SUZ12: variants seen among roughly 807,000 people sequenced by gnomAD.
The protein encoded by SUZ12 is polycomb protein SUZ12.
SUZ12 carries 17 observed loss-of-function variants against 87.3 expected under a neutral mutation model. That is an observed-to-expected ratio of 0.19 (90% CI 0.13 to 0.29). SUZ12 has a LOEUF of 0.29. Among genes scored for constraint, SUZ12 ranks in the 10% least tolerant of loss-of-function variants. The pLI is 1.00. For missense variants in SUZ12, 526 were observed against 912.2 expected (o/e 0.58, Z 5.45); for synonymous variants, 253 against 312.4 (o/e 0.81, Z 2.01).
At chr17:31,964,763 AT>A (rs1907988644) in intron 4 of SUZ12, among the ~76,000 whole-genome samples, 1 of 152,054 alleles carries the variant, frequency 6.6e-6, no homozygotes, top group African/African-American at 2.4e-5. Flanking sequence ...AGATGGAGAT[AT>A]CCCCCCATCT....
rs202204930 is a variant in SUZ12, at chr17:31,979,130, T to G, written c.917+2516T>G. Among the ~76,000 whole-genome samples, 172 of 116,128 alleles carry G rather than the reference T, an allele frequency of 1.5e-3. 4 individuals carry two copies. The highest frequency in any genetic ancestry group is 5.6e-3 in the South Asian group (17 of 3,024). The allele number at this position is 116,128 out of a possible 152,430, so 76.2% of individuals were successfully genotyped here. On this transcript the variant is annotated intron_variant, in intron 8 of 15. Coordinates refer to ENST00000322652, the MANE Select transcript of SUZ12 (RefSeq NM_015355.4). ...AAAAAAAAAAAAAAAAAAAAAGAATTCAAAACGATAGGAAAGTTGAAAGAA... is the reference window on the plus strand; with the variant it reads ...AAAAAAAAAAAAAAAAAAAAAGAATGCAAAACGATAGGAAAGTTGAAAGAA...
chr17:31,968,397 A>T (rs1248923145), intron 5 of SUZ12, among the ~76,000 whole-genome samples: 2 of 151,856 alleles, frequency 1.3e-5, no homozygotes, highest in Non-Finnish European at 2.9e-5. Flanking sequence ...CTGGCTAATT[A>T]AAAAAAATTT....
chr17:31,954,183 C>T (rs1408448419), intron 4 of SUZ12, among the ~76,000 whole-genome samples: 2 of 152,140 alleles, frequency 1.3e-5, no homozygotes, highest in Non-Finnish European at 2.9e-5. Flanking sequence ...CTGCCTCAGC[C>T]TCCTGAGTAG....
Position 31,966,380 on chromosome 17 carries a change from G to T in SUZ12, c.505+184G>T, listed in dbSNP as rs545363409. ...TGAAATTTGTTTTTGGTGGATGGGGGTGCAGAGTGAAGGCTGGAGTGCAAT... is the reference window on the plus strand; with the variant it reads ...TGAAATTTGTTTTTGGTGGATGGGGTTGCAGAGTGAAGGCTGGAGTGCAAT... On this transcript the variant is annotated intron_variant, in intron 5 of 15. Transcript: ENST00000322652. 2.4e-5 allele frequency: 14 copies of T among 583,834 alleles called. No individual in the cohort carries two copies. In the East Asian group the frequency reaches 3.7e-4, roughly 15 times the overall value. The allele number at this position is 583,834 out of a possible 1,614,324, so 36.2% of individuals were successfully genotyped here. A position where few individuals can be genotyped will look rare whatever the true frequency, so the allele number is the denominator to read the frequency against.
intron 8 of SUZ12, 131 bp from the exon 9 acceptor site, chr17:31,982,867 TA>T (rs1265838183): frequency 7.8e-7 from 1 of 1,279,422 alleles, no homozygotes; most frequent in East Asian, 2.6e-5. Context: ...GCTGTATTTT[TA>T]AAATCTTGTT....
At chr17:31,990,780 C>T (rs1169172499) in intron 10 of SUZ12, among the ~76,000 whole-genome samples, 2 of 151,970 alleles carry the variant, frequency 1.3e-5, no homozygotes, top group Non-Finnish European at 2.9e-5. Flanking sequence ...CAGGGTTTCT[C>T]TCTCTCACCC....
At chr17:31,990,814 C>G (rs1297532366) in intron 10 of SUZ12, among the ~76,000 whole-genome samples, 2 of 152,050 alleles carry the variant, frequency 1.3e-5, no homozygotes, top group Admixed American at 1.3e-4. Context: ...GTGGTGCCAT[C>G]TCAGCTCACT....
intron 1 of SUZ12, 147 bp from the exon 2 acceptor site, chr17:31,940,139 T>C (rs1216648326): frequency 1.6e-6 from 2 of 1,268,932 alleles, no homozygotes; most frequent in South Asian, 1.7e-5. Context: ...GTGCATACTT[T>C]CTTGATGTAA....
rs373841285 is a variant in SUZ12, at chr17:31,976,647, T to A, written c.917+33T>A. On this transcript the variant is annotated intron_variant, in intron 8 of 15. Coordinates refer to ENST00000322652, the MANE Select transcript of SUZ12 (RefSeq NM_015355.4). ...TGATGAACAAGTGAGGCTCCCACAATGTTCTGGAAATGTTTTCATTCTGAA... is the reference window on the plus strand; with the variant it reads ...TGATGAACAAGTGAGGCTCCCACAAAGTTCTGGAAATGTTTTCATTCTGAA... 3.3e-5 allele frequency: 48 copies of A among 1,462,066 alleles called. No individual in the cohort carries two copies. The African/African-American group carries it at 6.2e-4, about 19-fold the overall frequency. 90.6% of individuals were successfully genotyped at this position (1,462,066 alleles called of 1,614,324 possible). A position where few individuals can be genotyped will look rare whatever the true frequency, so the allele number is the denominator to read the frequency against.
chr17:31,995,031 G>T (rs1479670528), intron 13 of SUZ12, among the ~76,000 whole-genome samples: 3 of 152,174 alleles, frequency 2.0e-5, no homozygotes, highest in Non-Finnish European at 4.4e-5. Flanking sequence ...GGGAGGTCGA[G>T]GTTGCAGTGA....
At chr17:31,988,245 A>T in intron 9 of SUZ12, 75 bp from the exon 10 acceptor site, 4 of 1,390,854 alleles carry the variant, frequency 2.9e-6, no homozygotes, top group South Asian at 1.5e-5. Context: ...CTTATAATGA[A>T]TTTTTTTTAA....
At position 31,937,332 on chromosome 17, in the gene SUZ12, C is replaced by T; in HGVS notation, c.86C>T (p.Ala29Val). The T allele has an allele frequency of 1.4e-6, 2 of 1,467,716 alleles. No homozygotes were observed. The highest frequency in any genetic ancestry group is 2.7e-5 in the South Asian group (2 of 75,058). 90.9% of individuals were successfully genotyped at this position (1,467,716 alleles called of 1,614,324 possible). The change falls in exon 1 of 16, where the codon GCG (alanine) becomes GTG (valine). Residue 29 changes from alanine to valine, a missense_variant. By Grantham distance (64) the Ala-to-Val change is moderately conservative. Coordinates refer to ENST00000322652, the MANE Select transcript of SUZ12 (RefSeq NM_015355.4). ...GSGGGGFGGSAAVAAATASGG... is the reference protein window; with the variant it reads ...GSGGGGFGGSVAVAAATASGG... ...GGGGGAGGCGGCTTCGGGGGTTCGG[C>T]GGCGGTGGCGGCGGCGACGGCTTCG...
chr17:31,981,638 G>C (rs1909112544), intron 8 of SUZ12, among the ~76,000 whole-genome samples: 1 of 152,012 alleles, frequency 6.6e-6, no homozygotes, highest in African/African-American at 2.4e-5. Flanking sequence ...TGGCTTTGCT[G>C]ATGTACTATT....
At chr17:31,970,724 C>G (rs1410161444) in intron 5 of SUZ12, among the ~76,000 whole-genome samples, 1 of 151,876 alleles carries the variant, frequency 6.6e-6, no homozygotes, top group African/African-American at 2.4e-5. Context: ...ACTGCTTTAA[C>G]CCAGGAGGCG....
chr17:31,949,144 A>G (rs1246456717), intron 4 of SUZ12, among the ~76,000 whole-genome samples: 1 of 152,168 alleles, frequency 6.6e-6, no homozygotes, highest in Non-Finnish European at 1.5e-5. Flanking sequence ...TACCTTCACT[A>G]CTAAACCCTA....
rs200184504 is a variant in SUZ12, at chr17:31,956,369, G to A, written c.455+8684G>A. 1.2e-3 allele frequency among the ~76,000 whole-genome samples: 185 copies of A among 148,228 alleles called. 1 individual carries two copies. The highest frequency in any genetic ancestry group is 3.2e-3 in the Admixed American group (48 of 14,962). On this transcript the variant is annotated intron_variant, in intron 4 of 15. Transcript: ENST00000322652. ...CCACCATGCCTGGCTAATGTTTTGT[G>A]TTTTAGTAGAGATGGGGTTTCACCG...
intron 4 of SUZ12, among the ~76,000 whole-genome samples, chr17:31,963,628 T>G (rs1907889224): frequency 6.6e-6 from 1 of 151,878 alleles, no homozygotes; most frequent in Admixed American, 6.6e-5. Context: ...GTTCAAGCAA[T>G]TCTCCTGCCT....
chr17:31,958,825 A>G (rs1907525988), intron 4 of SUZ12, among the ~76,000 whole-genome samples: 1 of 151,236 alleles, frequency 6.6e-6, no homozygotes, highest in Admixed American at 6.6e-5. Context: ...CATCCTGGCT[A>G]CAGAGTGAAA....
chr17:31,969,441 C>G (rs532172514), intron 5 of SUZ12, among the ~76,000 whole-genome samples: 1 of 151,218 alleles, frequency 6.6e-6, no homozygotes, highest in Non-Finnish European at 1.5e-5. Context: ...CATGAGCCAC[C>G]GAGCCCAGCC....
Sources: gnomAD v4.1 joint callset for allele counts (sites outside exome capture counted in the v4.1 genomes callset) on GRCh38, gnomAD v4.1.1 for gene constraint, MANE v1.5 for transcripts, NCBI Gene and HGNC (gene_info 2026-07-23, HGNC 2026-07-21) for gene names.